KIF3A: variants seen among roughly 807,000 people sequenced by gnomAD.
The protein encoded by KIF3A is kinesin-like protein KIF3A.
Under a neutral mutation model 92.6 loss-of-function variants are expected in KIF3A, and 27 were observed. The ratio of observed to expected loss-of-function variants is 0.29; its 90% CI spans 0.21 to 0.40. KIF3A has a LOEUF of 0.40. Among genes scored for constraint, KIF3A ranks in the 10% least tolerant of loss-of-function variants. KIF3A has a pLI of 1.00. For missense variants in KIF3A, 581 were observed against 872.6 expected, an observed-to-expected ratio of 0.67 and a Z score of 4.21; for synonymous variants, 250 against 275.4, an observed-to-expected ratio of 0.91 and a Z score of 0.92.
At position 132,699,158 on chromosome 5, in the gene KIF3A, G is replaced by A. The variant is rs1752938010; in HGVS notation, c.2132+13C>T. 6.2e-7 allele frequency: 1 copy of A among 1,612,992 alleles called. No individual in the cohort carries two copies. Among genetic ancestry groups the A allele is most frequent in the Non-Finnish European group, 8.5e-7 (1 of 1,179,158 alleles). On this transcript the variant is annotated intron_variant, in intron 18 of 18. Transcript: ENST00000403231. ...AATGCCTTCGTTTTACCAGATTCAA[G>A]GACAGTCCTTACCTTCTCCCTGTCT... is the stretch of plus-strand genomic sequence containing the variant.
chr5:132,695,729 T>C lies in KIF3A; in HGVS notation c.*905A>G, dbSNP rs1476139814. The C allele has an allele frequency of 1.3e-5, 2 of 152,346 alleles. No individual in the cohort carries two copies. The highest frequency in any genetic ancestry group is 2.9e-5 in the Non-Finnish European group (2 of 68,034). 9.4% of individuals were successfully genotyped at this position (152,346 alleles called of 1,614,324 possible). Reference sequence around the variant, plus strand: ...GATATTTTTCTTGCTTAGCTGTATTTTCTGGAAAATGGAGACTCTTCTTAA... The same window carrying C: ...GATATTTTTCTTGCTTAGCTGTATTCTCTGGAAAATGGAGACTCTTCTTAA... On this transcript the variant is annotated 3_prime_UTR_variant, in exon 19 of 19. Transcript: ENST00000403231.
rs1174090461 is a variant in KIF3A, at chr5:132,737,450, C to T, written c.-31G>A. On this transcript the variant is annotated 5_prime_UTR_variant, in exon 1 of 19. Transcript: ENST00000403231. ...CCCCCTCCCGTGCCCGGCGGACGTC[C>T]CCGCCCGGGGTGCAGCCCAGCGACA... The T allele has an allele frequency of 3.7e-6, 6 of 1,601,428 alleles. No homozygotes were observed. In the African/African-American group the frequency reaches 5.4e-5, roughly 14 times the overall value.
intron 2 of KIF3A, among the ~76,000 whole-genome samples, chr5:132,727,454 T>C (rs1398011874): frequency 3.3e-5 from 5 of 152,096 alleles, no homozygotes; most frequent in Admixed American, 1.3e-4. Context: ...AGGTAAGGTT[T>C]AGATCTGAAA....
intron 8 of KIF3A, among the ~76,000 whole-genome samples, chr5:132,714,778 T>G (rs1177594081): frequency 1.3e-5 from 2 of 152,200 alleles, no homozygotes; most frequent in Non-Finnish European, 2.9e-5. Flanking sequence ...CAATGATAAA[T>G]TTTATGTCAT....
At chr5:132,710,688 A>G (rs1417609477) in intron 9 of KIF3A, among the ~76,000 whole-genome samples, 1 of 152,226 alleles carries the variant, frequency 6.6e-6, no homozygotes, top group Non-Finnish European at 1.5e-5. Context: ...ACATAAAATT[A>G]AAACACACAG....
intron 5 of KIF3A, among the ~76,000 whole-genome samples, chr5:132,719,787 A>G (rs1032425534): frequency 6.6e-6 from 1 of 151,780 alleles, no homozygotes; most frequent in Non-Finnish European, 1.5e-5. Flanking sequence ...CAGACTTTTC[A>G]CCTCTAATTT....
rs190389626 is a variant in KIF3A at position 132,715,542 on chromosome 5, A to G, written c.1129+215T>C. Among the ~76,000 whole-genome samples, 16 of 152,360 alleles carry G rather than the reference A, an allele frequency of 1.1e-4. No individual in the cohort carries two copies. In the East Asian group the frequency reaches 3.1e-3, roughly 29 times the overall value. On this transcript the variant is annotated intron_variant, in intron 8 of 18. Coordinates refer to ENST00000403231, the MANE Select transcript of KIF3A (RefSeq NM_001300791.2). Reference sequence around the variant, plus strand: ...ACAAAACATCATGCAAATGTTTTTAAAAAACCACATACACAAATATTATGT... The same window carrying G: ...ACAAAACATCATGCAAATGTTTTTAGAAAACCACATACACAAATATTATGT...
At chr5:132,696,995 G>T (rs780977785) in intron 18 of KIF3A, among the ~76,000 whole-genome samples, 7 of 152,298 alleles carry the variant, frequency 4.6e-5, no homozygotes, top group Non-Finnish European at 7.3e-5. Context: ...TGCCAGATTT[G>T]AACTTCCTGA....
At chr5:132,735,961 T>G (rs566230297) in intron 1 of KIF3A, among the ~76,000 whole-genome samples, 2 of 152,356 alleles carry the variant, frequency 1.3e-5, no homozygotes, top group East Asian at 3.9e-4. Context: ...GGCCTTTCCA[T>G]GTGCTGTTCC....
chr5:132,710,323 T>TATTTTA (rs1442963587), intron 9 of KIF3A, among the ~76,000 whole-genome samples: 1 of 152,152 alleles, frequency 6.6e-6, no homozygotes, highest in African/African-American at 2.4e-5. Context: ...TTCCTTAAAA[T>TATTTTA]ACTTAGGTTC....
intron 10 of KIF3A, among the ~76,000 whole-genome samples, chr5:132,708,633 C>G (rs972764932): frequency 6.6e-6 from 1 of 152,164 alleles, no homozygotes; most frequent in Admixed American, 6.5e-5. Context: ...TTCTTTTATA[C>G]AGCTTACTAG....
intron 2 of KIF3A, among the ~76,000 whole-genome samples, chr5:132,732,670 G>T (rs2149923011): frequency 6.6e-6 from 1 of 152,292 alleles, no homozygotes; most frequent in Middle Eastern, 3.4e-3. Flanking sequence ...AGCACTTTCA[G>T]AGGCTGAGAC....
intron 2 of KIF3A, among the ~76,000 whole-genome samples, chr5:132,731,368 A>C (rs142627643): frequency 3.0e-3 from 464 of 152,326 alleles, no homozygotes; most frequent in Non-Finnish European, 5.4e-3. Context: ...AATCAATGTA[A>C]TTGACCATAT....
chr5:132,708,057 G>A (rs1753280247), intron 10 of KIF3A, among the ~76,000 whole-genome samples: 1 of 152,198 alleles, frequency 6.6e-6, no homozygotes, highest in South Asian at 2.1e-4. Context: ...GCCGAGGCGG[G>A]CAGATCATGA....
intron 2 of KIF3A, 47 bp from the exon 3 acceptor site, chr5:132,726,545 C>G (rs1754040527): frequency 2.0e-6 from 3 of 1,515,870 alleles, no homozygotes; most frequent in Non-Finnish European, 2.7e-6. Context: ...TCTAATGCTA[C>G]AGAACAATAG....
rs1169333676 is a variant in KIF3A at position 132,726,589 on chromosome 5, A to T, written c.281-91T>A. The T allele has an allele frequency of 3.5e-6, 4 of 1,143,184 alleles. No individual in the cohort carries two copies. In the African/African-American group the frequency reaches 6.2e-5, roughly 18 times the overall value. The allele number at this position is 1,143,184 out of a possible 1,614,324, so 70.8% of individuals were successfully genotyped here. On this transcript the variant is annotated intron_variant, in intron 2 of 18. Coordinates refer to ENST00000403231, the MANE Select transcript of KIF3A (RefSeq NM_001300791.2). ...ATTAATTCCTTTGACACTGTGATGT[A>T]ATTTCTCCCCTGGATTCAAAATTTA... is the stretch of plus-strand genomic sequence containing the variant.
chr5:132,731,769 G>A (rs1423189173), intron 2 of KIF3A, among the ~76,000 whole-genome samples: 3 of 151,144 alleles, frequency 2.0e-5, no homozygotes, highest in African/African-American at 7.3e-5. Flanking sequence ...GGAGTGCAAT[G>A]GCACGATCTT....
Position 132,692,999 on chromosome 5 carries a change from T to G in KIF3A, c.*3635A>C, listed in dbSNP as rs184200202. On this transcript the variant is annotated 3_prime_UTR_variant, in exon 19 of 19. Coordinates refer to ENST00000403231, the MANE Select transcript of KIF3A (RefSeq NM_001300791.2). ...ACCCATTCCTTAATTCACAGCCCTGTAGGAAAGAAGACTTTCCTTAAGAGT... is the reference window on the plus strand; with the variant it reads ...ACCCATTCCTTAATTCACAGCCCTGGAGGAAAGAAGACTTTCCTTAAGAGT... The G allele has an allele frequency of 1.0e-3, 152 of 152,726 alleles. No individual in the cohort carries two copies. The highest frequency in any genetic ancestry group is 3.4e-3 in the African/African-American group (140 of 41,576). 9.5% of individuals were successfully genotyped at this position (152,726 alleles called of 1,614,324 possible).
chr5:132,705,025 A>C (rs1753160019), intron 11 of KIF3A, among the ~76,000 whole-genome samples: 2 of 151,954 alleles, frequency 1.3e-5, no homozygotes, highest in Admixed American at 6.6e-5. Flanking sequence ...AGTAAATAAA[A>C]GCACTGATCC....
Sources: gnomAD v4.1 joint callset for allele counts (sites outside exome capture counted in the v4.1 genomes callset) on GRCh38, gnomAD v4.1.1 for gene constraint, MANE v1.5 for transcripts, NCBI Gene and HGNC (gene_info 2026-07-23, HGNC 2026-07-21) for gene names.